The following PTPRM variants were observed in gnomAD, a reference collection of about 807,000 sequenced individuals.
PTPRM encodes protein tyrosine phosphatase receptor type M.
PTPRM carries 47 observed loss-of-function variants against 186.7 expected under a neutral mutation model. That is an observed-to-expected ratio of 0.25 (90% CI 0.20 to 0.32). PTPRM has a LOEUF of 0.32. PTPRM is among the 10% of genes least tolerant of loss of function. The pLI is 1.00. For missense variants in PTPRM, 1,494 were observed against 1,865.0 expected, an observed-to-expected ratio of 0.80 and a Z score of 3.66; for synonymous variants, 668 against 674.9, an observed-to-expected ratio of 0.99 and a Z score of 0.16.
rs1046954421 is a variant in PTPRM, at chr18:7,964,783, A to C, written c.1132+9369A>C. 4.6e-5 allele frequency among the ~76,000 whole-genome samples: 7 copies of C among 152,266 alleles called. No homozygotes were observed. The East Asian group carries it at 1.4e-3, about 29-fold the overall frequency. On this transcript the variant is annotated intron_variant, in intron 7 of 32. Transcript: ENST00000580170. ...AAGGTAGTGCCAAGAAAAAGAAATG[A>C]TCACATGTTCACTGGAACCTGGGAA...
chr18:8,250,507 A>G (rs1215492734), intron 17 of PTPRM, among the ~76,000 whole-genome samples: 2 of 152,118 alleles, frequency 1.3e-5, no homozygotes, highest in East Asian at 3.8e-4. Flanking sequence ...GCCAGGCACT[A>G]TATAGTGCAA....
intron 2 of PTPRM, chr18:7,814,611 G>A (rs1262158864): frequency 1.3e-5 from 2 of 152,194 alleles, no homozygotes; most frequent in Non-Finnish European, 2.9e-5. Flanking sequence ...AATGAAGTCA[G>A]TTGGGCTCTT....
At chr18:7,748,355 A>T (rs1209372633) in intron 1 of PTPRM, among the ~76,000 whole-genome samples, 1 of 152,222 alleles carries the variant, frequency 6.6e-6, no homozygotes, top group African/African-American at 2.4e-5. Flanking sequence ...TAAATGTGGA[A>T]GTGCTTGCAC....
intron 23 of PTPRM, among the ~76,000 whole-genome samples, chr18:8,349,427 A>G (rs774498759): frequency 6.6e-5 from 10 of 152,192 alleles, no homozygotes; most frequent in Admixed American, 3.3e-4. Context: ...CCTTTTTCAT[A>G]AACTGATATT....
chr18:8,292,469 A>G (rs2095052718), intron 19 of PTPRM, among the ~76,000 whole-genome samples: 1 of 152,216 alleles, frequency 6.6e-6, no homozygotes, highest in African/African-American at 2.4e-5. Flanking sequence ...CCATGGGGAA[A>G]TTGGCTATAT....
At chr18:7,834,491 T>TACACACACACACACACACACACATAC (rs2045927658) in intron 2 of PTPRM, among the ~76,000 whole-genome samples, 1 of 84,606 alleles carries the variant, frequency 1.2e-5, no homozygotes, top group African/African-American at 4.8e-5. Context: ...TATACAAGTA[T>TACACACACACACACACACACACATAC]ACACACACAC....
At chr18:7,882,502 A>T (rs1247217305) in intron 2 of PTPRM, among the ~76,000 whole-genome samples, 1 of 152,174 alleles carries the variant, frequency 6.6e-6, no homozygotes. Context: ...TGCCTCTCGT[A>T]TTCTAAATCC....
intron 1 of PTPRM, among the ~76,000 whole-genome samples, chr18:7,609,972 A>G (rs2037632283): frequency 6.6e-6 from 1 of 152,184 alleles, no homozygotes; most frequent in African/African-American, 2.4e-5. Context: ...GACTTACACT[A>G]TTCTGTTAGT....
At chr18:7,914,980 C>T (rs1034635692) in intron 4 of PTPRM, among the ~76,000 whole-genome samples, 2 of 152,134 alleles carry the variant, frequency 1.3e-5, no homozygotes, top group Non-Finnish European at 2.9e-5. Flanking sequence ...TCCTCTTGTT[C>T]CACTTCAGTT....
chr18:8,371,268 C>A (rs1387271039), intron 24 of PTPRM, among the ~76,000 whole-genome samples: 1 of 152,164 alleles, frequency 6.6e-6, no homozygotes, highest in Non-Finnish European at 1.5e-5. Flanking sequence ...TTTTCTTTCC[C>A]TGGTTGATAT....
chr18:7,685,195 C>T (rs1193136339), intron 1 of PTPRM, among the ~76,000 whole-genome samples: 1 of 152,180 alleles, frequency 6.6e-6, no homozygotes, highest in African/African-American at 2.4e-5. Flanking sequence ...AGGGTCATCT[C>T]AGAATGCCTC....
chr18:7,865,803 C>T (rs926642335), intron 2 of PTPRM, among the ~76,000 whole-genome samples: 2 of 152,054 alleles, frequency 1.3e-5, no homozygotes, highest in South Asian at 2.1e-4. Flanking sequence ...GCTGTGAATC[C>T]GTCTGGTCCT....
chr18:7,852,704 G>T (rs1165745203), intron 2 of PTPRM, among the ~76,000 whole-genome samples: 1 of 150,494 alleles, frequency 6.6e-6, no homozygotes, highest in Non-Finnish European at 1.5e-5. Context: ...AAAAAGAAAA[G>T]AAACAACTGT....
chr18:7,958,832 T>G (rs1030308097), intron 7 of PTPRM, among the ~76,000 whole-genome samples: 4 of 152,194 alleles, frequency 2.6e-5, no homozygotes, highest in African/African-American at 9.7e-5. Context: ...TACAGTGAAG[T>G]AAAATAAATT....
intron 1 of PTPRM, among the ~76,000 whole-genome samples, chr18:7,611,663 G>A (rs562394124): frequency 6.6e-6 from 1 of 152,268 alleles, no homozygotes; most frequent in South Asian, 2.1e-4. Context: ...CCTGGTGGGA[G>A]GTAATTGAAT....
At chr18:7,901,534 T>G (rs1170000577) in intron 3 of PTPRM, among the ~76,000 whole-genome samples, 1 of 152,030 alleles carries the variant, frequency 6.6e-6, no homozygotes, top group Non-Finnish European at 1.5e-5. Context: ...GCCCGGCTAA[T>G]TTTTGTATTT....
chr18:7,605,357 A>G (rs2037504767), intron 1 of PTPRM, among the ~76,000 whole-genome samples: 1 of 152,164 alleles, frequency 6.6e-6, no homozygotes, highest in Non-Finnish European at 1.5e-5. Context: ...TTTTGATGAT[A>G]AATTCTTAGA....
intron 1 of PTPRM, among the ~76,000 whole-genome samples, chr18:7,578,492 T>A (rs80163680): frequency 6.6e-6 from 1 of 151,930 alleles, no homozygotes; most frequent in Non-Finnish European, 1.5e-5. Flanking sequence ...CCCGCCACCA[T>A]GCCCGGCTAA....
chr18:7,936,977 G>A (rs1488323431), intron 5 of PTPRM, among the ~76,000 whole-genome samples: 1 of 152,196 alleles, frequency 6.6e-6, no homozygotes, highest in Non-Finnish European at 1.5e-5. Flanking sequence ...CCTCTCTGCT[G>A]AGTGCTAAAC....
Sources: gnomAD v4.1 joint callset for allele counts (sites outside exome capture counted in the v4.1 genomes callset) on GRCh38, gnomAD v4.1.1 for gene constraint, MANE v1.5 for transcripts, NCBI Gene and HGNC (gene_info 2026-07-23, HGNC 2026-07-21) for gene names.